ACBD6: variants seen among roughly 807,000 people sequenced by gnomAD.
The protein encoded by ACBD6 is acyl-CoA binding domain containing 6, also known as acyl-CoA-binding domain-containing protein 6.
A neutral mutation model predicts 37.2 loss-of-function variants in ACBD6; 28 were observed. The ratio of observed to expected loss-of-function variants is 0.75; its 90% CI spans 0.56 to 1.03. The LOEUF (loss-of-function observed/expected upper bound fraction) is 1.03. Ranked by LOEUF, ACBD6 falls within the 50% of genes least tolerant of loss-of-function variation. ACBD6 has a pLI of 0.00. For synonymous variants in ACBD6, 113 were observed against 126.8 expected (o/e 0.89, Z 0.73); for missense variants, 340 against 337.4 (o/e 1.01, Z -0.06).
At chr1:180,402,310 C>A (rs1377923067) in intron 5 of ACBD6, among the ~76,000 whole-genome samples, 1 of 152,148 alleles carries the variant, frequency 6.6e-6, no homozygotes. Flanking sequence ...GATAGTCTAA[C>A]ATCTCAAGAT....
chr1:180,464,227 A>G (rs1650263330), intron 3 of ACBD6, among the ~76,000 whole-genome samples: 1 of 152,208 alleles, frequency 6.6e-6, no homozygotes, highest in Non-Finnish European at 1.5e-5. Context: ...GGGCATTCAA[A>G]TAGTATGAGA....
rs777286831 is a variant in ACBD6 at position 180,502,306 on chromosome 1, C to T, written c.-40G>A. The T allele has an allele frequency of 6.2e-7, 1 of 1,606,552 alleles. No homozygotes were observed. The highest frequency in any genetic ancestry group is 8.5e-7 in the Non-Finnish European group (1 of 1,176,782). ...TCCGTCCCTCTGTGTCCGGTCTGTC[C>T]TCCTTGGATTGGGTGTAAGGCCGGC... is the stretch of plus-strand genomic sequence containing the variant. On this transcript the variant is annotated 5_prime_UTR_variant, in exon 1 of 8. Transcript: ENST00000367595.
intron 6 of ACBD6, among the ~76,000 whole-genome samples, chr1:180,372,719 A>C (rs1653304532): frequency 6.6e-6 from 1 of 152,188 alleles, no homozygotes; most frequent in Non-Finnish European, 1.5e-5. Flanking sequence ...AATTTCATAC[A>C]TAGTGCTTCC....
At chr1:180,395,585 A>AG (rs1313025419) in intron 6 of ACBD6, among the ~76,000 whole-genome samples, 7 of 152,182 alleles carry the variant, frequency 4.6e-5, no homozygotes, top group Non-Finnish European at 1.0e-4. Flanking sequence ...CAATTAGGCA[A>AG]GAAAATGAAA....
chr1:180,476,790 C>T (rs938263894), intron 3 of ACBD6, among the ~76,000 whole-genome samples: 4 of 151,918 alleles, frequency 2.6e-5, no homozygotes, highest in East Asian at 1.9e-4. Flanking sequence ...CATGCCATTG[C>T]GCTCAGCCTG....
At position 180,464,003 on chromosome 1, in the gene ACBD6, T is replaced by C. The variant is rs142143648; in HGVS notation, c.384+28266A>G. Among the ~76,000 whole-genome samples the C allele has an allele frequency of 4.8e-3, 729 of 152,140 alleles. 12 individuals carry two copies. The highest frequency in any genetic ancestry group is 0.017 in the African/African-American group (688 of 41,512). On this transcript the variant is annotated intron_variant, in intron 3 of 7. Transcript: ENST00000367595. ...AAAAGGATTTCGATAAAACTCAACA[T>C]CCCTTCATGTTAAAAACTCTCAATA...
chr1:180,354,083 A>G (rs1652528014), intron 6 of ACBD6, among the ~76,000 whole-genome samples: 1 of 152,194 alleles, frequency 6.6e-6, no homozygotes, highest in Non-Finnish European at 1.5e-5. Flanking sequence ...ACATTTGAAA[A>G]TTCCACCTGA....
intron 6 of ACBD6, among the ~76,000 whole-genome samples, chr1:180,386,956 G>A (rs1218375151): frequency 3.9e-5 from 6 of 152,032 alleles, no homozygotes; most frequent in African/African-American, 1.2e-4. Flanking sequence ...CAGGTTCTTG[G>A]TATGATGAGT....
rs920351808 is a variant in ACBD6, at chr1:180,315,785, G to A, written c.664-1063C>T. The stretch of plus-strand genomic sequence containing the variant: ...AGGGGGACAACCTTGAGGCAATGTA[G>A]TTTGTTTTCCTACTGTGGAATGAAG... On this transcript the variant is annotated intron_variant, in intron 6 of 7. Transcript: ENST00000367595. Among the ~76,000 whole-genome samples the A allele has an allele frequency of 5.7e-4, 86 of 152,102 alleles. 2 individuals carry two copies. The highest frequency in any genetic ancestry group is 3.9e-4 in the Admixed American group (6 of 15,262).
intron 5 of ACBD6, among the ~76,000 whole-genome samples, chr1:180,410,311 A>C (rs1214933642): frequency 2.6e-5 from 4 of 152,246 alleles, no homozygotes; most frequent in Admixed American, 1.3e-4. Flanking sequence ...GTAACCGATA[A>C]AGGTGACTAC....
intron 6 of ACBD6, among the ~76,000 whole-genome samples, chr1:180,381,444 C>G (rs537983024): frequency 6.6e-6 from 1 of 152,292 alleles, no homozygotes; most frequent in South Asian, 2.1e-4. Flanking sequence ...AGAAAATTCT[C>G]CAGGACAGAC....
intron 6 of ACBD6, among the ~76,000 whole-genome samples, chr1:180,341,190 C>T (rs530330411): frequency 9.9e-5 from 15 of 152,092 alleles, no homozygotes; most frequent in Admixed American, 7.2e-4. Flanking sequence ...GAGTTTACAA[C>T]GTAGTTTACA....
chr1:180,393,160 T>A lies in ACBD6; in HGVS notation c.663+4356A>T, dbSNP rs185718637. Among the ~76,000 whole-genome samples, 5 of 152,020 alleles carry A rather than the reference T, an allele frequency of 3.3e-5. No homozygotes were observed. In the East Asian group the frequency reaches 9.7e-4, roughly 29 times the overall value. ...TGTGGCAAGAACCTAACTTCCAGAG[T>A]GGAATTAAAAATCAATACCAAGCAG... On this transcript the variant is annotated intron_variant, in intron 6 of 7. Transcript: ENST00000367595.
At chr1:180,380,138 G>A (rs1653582240) in intron 6 of ACBD6, among the ~76,000 whole-genome samples, 1 of 152,118 alleles carries the variant, frequency 6.6e-6, no homozygotes, top group South Asian at 2.1e-4. Context: ...ACCCTCATCT[G>A]CAGTCCCAGC....
intron 3 of ACBD6, among the ~76,000 whole-genome samples, chr1:180,448,158 A>C (rs1376470457): frequency 6.6e-6 from 1 of 152,214 alleles, no homozygotes; most frequent in East Asian, 1.9e-4. Flanking sequence ...TAATGGCCCT[A>C]ATGGCCTTGT....
At chr1:180,416,094 T>C (rs1571480085) in intron 4 of ACBD6, among the ~76,000 whole-genome samples, 1 of 152,114 alleles carries the variant, frequency 6.6e-6, no homozygotes, top group Non-Finnish European at 1.5e-5. Flanking sequence ...TATAAAAAAA[T>C]TAAGTGACAC....
chr1:180,330,902 T>C (rs1651456599), intron 6 of ACBD6, among the ~76,000 whole-genome samples: 2 of 152,236 alleles, frequency 1.3e-5, no homozygotes, highest in South Asian at 4.1e-4. Context: ...ACAAAACTAC[T>C]GTTGGGTACA....
At chr1:180,434,179 G>C (rs769390201) in intron 3 of ACBD6, among the ~76,000 whole-genome samples, 1 of 151,378 alleles carries the variant, frequency 6.6e-6, no homozygotes, top group East Asian at 1.9e-4. Flanking sequence ...TTAGCATTCA[G>C]GAACAACTGA....
chr1:180,362,042 T>C (rs1258091624), intron 6 of ACBD6, among the ~76,000 whole-genome samples: 1 of 151,676 alleles, frequency 6.6e-6, no homozygotes, highest in African/African-American at 2.4e-5. Context: ...ATGAAGGTGG[T>C]TCCTCTCCTG....
Sources: gnomAD v4.1 joint callset for allele counts (sites outside exome capture counted in the v4.1 genomes callset) on GRCh38, gnomAD v4.1.1 for gene constraint, MANE v1.5 for transcripts, NCBI Gene and HGNC (gene_info 2026-07-23, HGNC 2026-07-21) for gene names.